Variants in ASIC2 observed in about 807,000 individuals in gnomAD.
ASIC2 encodes acid sensing ion channel subunit 2, also known as acid-sensing ion channel 2.
ASIC2 carries 25 observed loss-of-function variants against 57.3 expected under a neutral mutation model. The ratio of observed to expected loss-of-function variants is 0.44; its 90% confidence interval spans 0.32 to 0.61. The LOEUF (loss-of-function observed/expected upper bound fraction) is 0.61. Ranked by LOEUF, ASIC2 falls within the 20% of genes least tolerant of loss-of-function variation. ASIC2 has a pLI of 0.06. For synonymous variants in ASIC2, 319 were observed against 307.5 expected (o/e 1.04, Z -0.39); for missense variants, 641 against 738.1 (o/e 0.87, Z 1.52).
chr17:33,613,064 C>A lies in ASIC2; in HGVS notation c.556-500997G>T, dbSNP rs1367822342. Among the ~76,000 whole-genome samples, 5 of 152,208 alleles carry A rather than the reference C, an allele frequency of 3.3e-5. 1 individual carries two copies. The highest frequency in any genetic ancestry group is 3.9e-4 in the East Asian group (2 of 5,176). On this transcript the variant is annotated intron_variant, in intron 1 of 9. Coordinates refer to the ASIC2 transcript ENST00000359872. The stretch of plus-strand genomic sequence containing the variant: ...AGGAGGGAGAGGAATTACCAGAGAG[C>A]CTTGGGGTAGCAGTATATGTTATTT...
intron 1 of ASIC2, among the ~76,000 whole-genome samples, chr17:33,861,242 G>C (rs188335829): frequency 6.6e-6 from 1 of 152,256 alleles, no homozygotes; most frequent in African/African-American, 2.4e-5. Flanking sequence ...TTAAAAGCCA[G>C]TATAAGGAAT....
intron 1 of ASIC2, among the ~76,000 whole-genome samples, chr17:33,416,746 T>G (rs1169126368): frequency 3.3e-5 from 5 of 152,136 alleles, no homozygotes; most frequent in African/African-American, 1.2e-4. Flanking sequence ...AGGTTTGGAG[T>G]GGTTCAGGCT....
At chr17:33,134,391 G>A (rs1268380826) in intron 1 of ASIC2, among the ~76,000 whole-genome samples, 2 of 152,138 alleles carry the variant, frequency 1.3e-5, no homozygotes, top group African/African-American at 4.8e-5. Context: ...CCCCAAGGAG[G>A]ACACTTTGGA....
intron 1 of ASIC2, among the ~76,000 whole-genome samples, chr17:33,115,706 C>T (rs140524547): frequency 6.6e-4 from 101 of 152,352 alleles, no homozygotes; most frequent in African/African-American, 2.4e-3. Context: ...TACAACCTCA[C>T]ATCCCTTATA....
chr17:33,879,778 C>A (rs956707962), intron 1 of ASIC2, among the ~76,000 whole-genome samples: 51 of 152,206 alleles, frequency 3.4e-4, no homozygotes, highest in Non-Finnish European at 7.1e-4. Flanking sequence ...ACAGAACTCT[C>A]CACCCAAAAT....
At chr17:33,853,908 A>G (rs1913843649) in intron 1 of ASIC2, among the ~76,000 whole-genome samples, 1 of 152,122 alleles carries the variant, frequency 6.6e-6, no homozygotes, top group South Asian at 2.1e-4. Context: ...AGTTCTCTAG[A>G]CCTCAGTTCC....
chr17:33,184,259 T>C (rs774856924), intron 1 of ASIC2, among the ~76,000 whole-genome samples: 4 of 152,178 alleles, frequency 2.6e-5, no homozygotes, highest in Non-Finnish European at 5.9e-5. Context: ...TCAACCATTA[T>C]GTTAACACTG....
chr17:33,190,173 A>C (rs1391075983), intron 1 of ASIC2, among the ~76,000 whole-genome samples: 1 of 152,228 alleles, frequency 6.6e-6, no homozygotes, highest in East Asian at 1.9e-4. Context: ...AAAACTAATA[A>C]ATGTGTTTAG....
At chr17:33,276,945 T>C (rs1421507524) in intron 1 of ASIC2, among the ~76,000 whole-genome samples, 1 of 152,194 alleles carries the variant, frequency 6.6e-6, no homozygotes, top group African/African-American at 2.4e-5. Context: ...TTTTATTCCA[T>C]CCTGCTTTTG....
chr17:33,917,311 C>T (rs935937836), intron 1 of ASIC2, among the ~76,000 whole-genome samples: 2 of 152,130 alleles, frequency 1.3e-5, no homozygotes, highest in East Asian at 3.9e-4. Context: ...TTAAATCTCC[C>T]CAGCGCCATC....
At chr17:33,430,648 C>T (rs1409084187) in intron 1 of ASIC2, among the ~76,000 whole-genome samples, 1 of 152,194 alleles carries the variant, frequency 6.6e-6, no homozygotes, top group Non-Finnish European at 1.5e-5. Flanking sequence ...TACTCAGTTC[C>T]AACCTGCAGC....
intron 1 of ASIC2, among the ~76,000 whole-genome samples, chr17:33,644,423 G>A (rs2142035578): frequency 6.6e-6 from 1 of 152,238 alleles, no homozygotes; most frequent in African/African-American, 2.4e-5. Flanking sequence ...GATGTTCATT[G>A]TGGTTTCATC....
In ASIC2 at chr17:33,156,506, C is replaced by T. The variant is rs189283855; in HGVS notation, c.709-44439G>A. On this transcript the variant is annotated intron_variant, in intron 1 of 9. Transcript: ENST00000225823. ...GGTGTGGTGGCTCACACCTGTAATC[C>T]CAGCACTTTGGGAGGCTGAAGTGGG... Among the ~76,000 whole-genome samples, 70 of 152,040 alleles carry T rather than the reference C, an allele frequency of 4.6e-4. 1 individual carries two copies. In the East Asian group the frequency reaches 6.6e-3, roughly 14 times the overall value.
In ASIC2 at chr17:33,141,820, C is replaced by A. The variant is rs567892058; in HGVS notation, c.709-29753G>T. On this transcript the variant is annotated intron_variant, in intron 1 of 9. Transcript: ENST00000225823. ...GCTGTTAACTCATCATGTTTCCATG[C>A]GTGAACCTCTTACCCTCATGAAACC... 7.9e-5 allele frequency among the ~76,000 whole-genome samples: 12 copies of A among 152,316 alleles called. No individual in the cohort carries two copies. The South Asian group carries it at 2.3e-3, about 29-fold the overall frequency.
At chr17:33,124,566 G>A (rs569918106) in intron 1 of ASIC2, among the ~76,000 whole-genome samples, 24 of 152,284 alleles carry the variant, frequency 1.6e-4, no homozygotes, top group Non-Finnish European at 2.9e-4. Flanking sequence ...GCTACTGGTG[G>A]TGCCAGTGTC....
intron 1 of ASIC2, among the ~76,000 whole-genome samples, chr17:33,461,010 T>C (rs1026226229): frequency 6.6e-6 from 1 of 152,240 alleles, no homozygotes; most frequent in African/African-American, 2.4e-5. Flanking sequence ...TTTGCCCAGA[T>C]GATAATAGTC....
At chr17:33,964,310 C>G (rs1265039570) in intron 1 of ASIC2, among the ~76,000 whole-genome samples, 2 of 152,216 alleles carry the variant, frequency 1.3e-5, no homozygotes, top group Non-Finnish European at 2.9e-5. Flanking sequence ...CCCTCTCCCC[C>G]AGAGGAACAA....
rs1178551747 is a variant in ASIC2 at position 33,049,526 on chromosome 17, T to C, written c.988-21134A>G. 2.6e-5 allele frequency among the ~76,000 whole-genome samples: 4 copies of C among 152,346 alleles called. No homozygotes were observed. The East Asian group carries it at 5.8e-4, about 22-fold the overall frequency. On this transcript the variant is annotated intron_variant, in intron 3 of 9. Transcript: ENST00000225823. ...TGTCACATGAAATAATATTGACCCT[T>C]ACAGTTGGAGTTGTTACCTTAGATT...
chr17:33,470,813 T>A (rs1913024809), intron 1 of ASIC2, among the ~76,000 whole-genome samples: 1 of 152,192 alleles, frequency 6.6e-6, no homozygotes, highest in Non-Finnish European at 1.5e-5. Flanking sequence ...GTTCACAGCA[T>A]TCACCTGTAG....
Sources: allele counts gnomAD v4.1 joint callset (sites outside exome capture counted in the v4.1 genomes callset), GRCh38; gene constraint gnomAD v4.1.1; transcripts MANE v1.5; gene names NCBI Gene and HGNC (gene_info 2026-07-23, HGNC 2026-07-21).